The following CNTNAP2 variants were observed in gnomAD, a reference collection of about 807,000 sequenced individuals.
CNTNAP2 encodes the protein contactin associated protein 2, also known as contactin-associated protein-like 2.
Under a neutral mutation model 155.2 loss-of-function variants are expected in CNTNAP2, and 98 were observed. That is an observed-to-expected ratio of 0.63 (90% CI 0.54 to 0.75). The LOEUF (loss-of-function observed/expected upper bound fraction) is 0.75. Among genes scored for constraint, CNTNAP2 ranks in the 30% least tolerant of loss-of-function variants. The probability of loss-of-function intolerance (pLI) is 0.00; values close to 1 mark genes in which losing one functional copy is unlikely to be tolerated. For synonymous variants in CNTNAP2, 651 were observed against 631.2 expected (o/e 1.03, Z -0.47); for missense variants, 1,727 against 1,688.1 (o/e 1.02, Z -0.40).
At chr7:146,235,677 AG>A (rs1299127849) in intron 1 of CNTNAP2, among the ~76,000 whole-genome samples, 1 of 152,050 alleles carries the variant, frequency 6.6e-6, no homozygotes, top group Non-Finnish European at 1.5e-5. Context: ...TGGTGTTTTC[AG>A]GTGCACAGGC....
chr7:147,189,580 T>A (rs1802636598), intron 8 of CNTNAP2, among the ~76,000 whole-genome samples: 1 of 152,214 alleles, frequency 6.6e-6, no homozygotes, highest in Admixed American at 6.5e-5. Context: ...TACACATCTC[T>A]AAGTATAAAT....
At chr7:147,591,519 G>C (rs1166005240) in intron 12 of CNTNAP2, among the ~76,000 whole-genome samples, 1 of 152,048 alleles carries the variant, frequency 6.6e-6, no homozygotes, top group Non-Finnish European at 1.5e-5. Flanking sequence ...AATTTTGAGA[G>C]GACACAATTC....
intron 13 of CNTNAP2, among the ~76,000 whole-genome samples, chr7:147,880,854 GGTGTGTGTGTGT>G (rs71183032): frequency 4.9e-5 from 7 of 143,178 alleles, no homozygotes; most frequent in African/African-American, 5.2e-5. Flanking sequence ...ATTGGAGTTG[GGTGTGTGTGTGT>G]GTGTGTGTGT....
chr7:146,200,938 TTTTG>T (rs1298179764), intron 1 of CNTNAP2, among the ~76,000 whole-genome samples: 2 of 152,120 alleles, frequency 1.3e-5, no homozygotes, highest in Non-Finnish European at 2.9e-5. Context: ...ATGAAAAGTT[TTTTG>T]TTTGTTTGTT....
chr7:146,794,651 A>G (rs1182275471), intron 2 of CNTNAP2, among the ~76,000 whole-genome samples: 1 of 152,216 alleles, frequency 6.6e-6, no homozygotes, highest in Non-Finnish European at 1.5e-5. Flanking sequence ...TAGTGAAGCC[A>G]GGATTAAAAA....
chr7:146,543,869 C>G (rs1187427427), intron 1 of CNTNAP2, among the ~76,000 whole-genome samples: 1 of 151,864 alleles, frequency 6.6e-6, no homozygotes, highest in African/African-American at 2.4e-5. Context: ...TCTTTAGATT[C>G]TTACTTATTT....
intron 18 of CNTNAP2, among the ~76,000 whole-genome samples, chr7:148,178,443 T>C (rs1395425211): frequency 6.6e-6 from 1 of 152,220 alleles, no homozygotes; most frequent in Non-Finnish European, 1.5e-5. Flanking sequence ...GTTTCCATCA[T>C]TTACAGTCAC....
intron 9 of CNTNAP2, among the ~76,000 whole-genome samples, chr7:147,317,736 A>C (rs936502069): frequency 2.6e-5 from 4 of 151,106 alleles, no homozygotes; most frequent in African/African-American, 9.7e-5. Context: ...TGCCTACCTC[A>C]CTGTCGCTTA....
chr7:148,159,468 A>T (rs1805474263), intron 17 of CNTNAP2, among the ~76,000 whole-genome samples: 1 of 152,110 alleles, frequency 6.6e-6, no homozygotes, highest in African/African-American at 2.4e-5. Context: ...CATTGTTAAG[A>T]TCTATTTGAG....
At chr7:147,160,278 G>A (rs1330867909) in intron 8 of CNTNAP2, among the ~76,000 whole-genome samples, 1 of 151,880 alleles carries the variant, frequency 6.6e-6, no homozygotes, top group Non-Finnish European at 1.5e-5. Context: ...ATTATATCCA[G>A]GCCATTTATT....
chr7:148,272,508 C>CA (rs1416796385), intron 21 of CNTNAP2, among the ~76,000 whole-genome samples: 13 of 152,072 alleles, frequency 8.5e-5, no homozygotes, highest in Non-Finnish European at 1.8e-4. Context: ...TTGCAAATGT[C>CA]ACGAAGCTGA....
At chr7:146,743,499 C>T (rs976980213) in intron 1 of CNTNAP2, among the ~76,000 whole-genome samples, 3 of 151,888 alleles carry the variant, frequency 2.0e-5, no homozygotes, top group Non-Finnish European at 4.4e-5. Flanking sequence ...GCTAAATAGT[C>T]ACTTATTGTG....
intron 11 of CNTNAP2, among the ~76,000 whole-genome samples, chr7:147,513,339 C>CTTTTTT: frequency 6.7e-6 from 1 of 148,738 alleles, no homozygotes; most frequent in African/African-American, 2.5e-5. Context: ...GTGGATTGCC[C>CTTTTTT]TTTTTTTTTT....
At chr7:147,958,176 G>A (rs1801052212) in intron 14 of CNTNAP2, among the ~76,000 whole-genome samples, 1 of 135,430 alleles carries the variant, frequency 7.4e-6, no homozygotes. Context: ...CGAGTAATTT[G>A]AATTAAATTA....
At chr7:147,124,907 A>C (rs1801202783) in intron 6 of CNTNAP2, among the ~76,000 whole-genome samples, 1 of 110,662 alleles carries the variant, frequency 9.0e-6, no homozygotes, top group Non-Finnish European at 1.7e-5. Flanking sequence ...TTTGAGATGA[A>C]GTCTTGCTCT....
At chr7:146,912,177 C>T (rs896852916) in intron 3 of CNTNAP2, among the ~76,000 whole-genome samples, 3 of 149,826 alleles carry the variant, frequency 2.0e-5, no homozygotes, top group African/African-American at 4.9e-5. Context: ...TGGCTGTATT[C>T]GTCAGCATAA....
At chr7:147,928,474 CTTAT>C (rs918742125) in intron 14 of CNTNAP2, among the ~76,000 whole-genome samples, 10 of 152,054 alleles carry the variant, frequency 6.6e-5, no homozygotes, top group Admixed American at 1.3e-4. Flanking sequence ...TCATGAGTAG[CTTAT>C]TTATTTATTT....
intron 14 of CNTNAP2, among the ~76,000 whole-genome samples, chr7:147,957,841 G>A (rs1195385244): frequency 2.6e-5 from 4 of 152,120 alleles, no homozygotes; most frequent in South Asian, 2.1e-4. Context: ...TTGGGAAGCC[G>A]AGGTGGGAGG....
chr7:146,239,901 G>A (rs146969435), intron 1 of CNTNAP2, among the ~76,000 whole-genome samples: 3 of 151,740 alleles, frequency 2.0e-5, no homozygotes, highest in African/African-American at 4.8e-5. Context: ...TATCTGAATT[G>A]GTTTAATGGA....
Sources: gnomAD v4.1 joint callset for allele counts (sites outside exome capture counted in the v4.1 genomes callset) on GRCh38, gnomAD v4.1.1 for gene constraint, MANE v1.5 for transcripts, NCBI Gene and HGNC (gene_info 2026-07-23, HGNC 2026-07-21) for gene names.